Variants in HOMER1 observed in about 807,000 individuals in gnomAD.
The protein encoded by HOMER1 is homer protein homolog 1.
HOMER1 carries 3 observed loss-of-function variants against 48.9 expected under a neutral mutation model. That is an observed-to-expected ratio of 0.06 (90% CI 0.03 to 0.16). The LOEUF (loss-of-function observed/expected upper bound fraction) is 0.16. Among genes scored for constraint, HOMER1 ranks in the 10% least tolerant of loss-of-function variants. The pLI, the probability that HOMER1 is intolerant of heterozygous loss-of-function variation, is 1.00. For missense variants in HOMER1, 247 were observed against 411.4 expected, an observed-to-expected ratio of 0.60 and a Z score of 3.46; for synonymous variants, 134 against 146.4, an observed-to-expected ratio of 0.92 and a Z score of 0.61.
chr5:79,460,398 A>G (rs2112307830), intron 1 of HOMER1, among the ~76,000 whole-genome samples: 1 of 152,276 alleles, frequency 6.6e-6, no homozygotes, highest in East Asian at 1.9e-4. Context: ...ACTGCACTCC[A>G]ATTTGGGTGA....
At chr5:79,426,023 A>G (rs1464331862) in intron 5 of HOMER1, among the ~76,000 whole-genome samples, 2 of 151,994 alleles carry the variant, frequency 1.3e-5, no homozygotes, top group East Asian at 1.9e-4. Flanking sequence ...AATGTCATGG[A>G]AAACCTTAAT....
At chr5:79,465,055 G>T (rs1751418525) in intron 1 of HOMER1, among the ~76,000 whole-genome samples, 1 of 151,884 alleles carries the variant, frequency 6.6e-6, no homozygotes. Flanking sequence ...TGTATGATCT[G>T]GCCAGGCACA....
chr5:79,379,637 G>T (rs1388341711), intron 8 of HOMER1, among the ~76,000 whole-genome samples: 1 of 150,284 alleles, frequency 6.7e-6, no homozygotes, highest in Admixed American at 6.8e-5. Context: ...TACAGAAGGG[G>T]TCTCACTATG....
chr5:79,386,527 TAGA>T (rs895451900), intron 8 of HOMER1, among the ~76,000 whole-genome samples: 1 of 152,202 alleles, frequency 6.6e-6, no homozygotes, highest in Non-Finnish European at 1.5e-5. Context: ...TACAGTTAGA[TAGA>T]AGAAGTAAGT....
Position 79,376,194 on chromosome 5 carries a change from C to A in HOMER1, c.880G>T (p.Val294Leu). ...TCCAGGTCTTTGTTCCGAATTTCTA[C>A]TTCCTTCAGAAACAAAAGTGTAACA... is the stretch of plus-strand genomic sequence containing the variant. ...RDSLTQKLQE[V>L]EIRNKDLEGQ... Residue 294 changes from valine to leucine, a missense_variant, in exon 9 of 9, where the codon GTA (valine) becomes TTA (leucine). Physicochemically the swap from Val to Leu is conservative, Grantham distance 32 (BLOSUM62 1). This residue lies in a region of HOMER1 where 113 missense variants were observed against 152.5 expected (regional missense o/e 0.74). Transcript: ENST00000334082. The A allele has an allele frequency of 6.2e-7, 1 of 1,609,914 alleles. No individual in the cohort carries two copies. Among genetic ancestry groups the A allele is most frequent in the Non-Finnish European group, 8.5e-7 (1 of 1,178,128 alleles).
Position 79,374,475 on chromosome 5 carries a change from T to A in HOMER1, c.*1534A>T, listed in dbSNP as rs1748709200. ...AATTGTCTAGTATTGAGTAGCTGTT[T>A]ATGAGTGAAAAAATGGTTACAAATT... On this transcript the variant is annotated 3_prime_UTR_variant, in exon 9 of 9. Coordinates refer to ENST00000334082, the MANE Select transcript of HOMER1 (RefSeq NM_004272.5). The A allele has an allele frequency of 6.6e-6, 1 of 152,188 alleles. No homozygotes were observed. The highest frequency in any genetic ancestry group is 1.5e-5 in the Non-Finnish European group (1 of 67,882). 9.4% of individuals were successfully genotyped at this position (152,188 alleles called of 1,614,324 possible).
chr5:79,442,891 C>T (rs904519790), intron 4 of HOMER1, among the ~76,000 whole-genome samples: 5 of 152,192 alleles, frequency 3.3e-5, no homozygotes, highest in African/African-American at 1.2e-4. Context: ...TACATTTTTC[C>T]TATAGTTAGT....
At chr5:79,488,586 C>G (rs1449673878) in intron 1 of HOMER1, among the ~76,000 whole-genome samples, 1 of 152,172 alleles carries the variant, frequency 6.6e-6, no homozygotes, top group African/African-American at 2.4e-5. Flanking sequence ...ATCTGCTGAC[C>G]ATACCAAAAT....
chr5:79,428,209 A>G (rs1447205671), intron 5 of HOMER1, among the ~76,000 whole-genome samples: 2 of 152,220 alleles, frequency 1.3e-5, no homozygotes, highest in Admixed American at 6.5e-5. Context: ...TTCTGAGGGT[A>G]TAAGAGGAAA....
chr5:79,420,354 G>A (rs949365819), intron 5 of HOMER1, among the ~76,000 whole-genome samples: 1 of 151,986 alleles, frequency 6.6e-6, no homozygotes, highest in Admixed American at 6.6e-5. Context: ...TGCTTCAAAG[G>A]CCAAAGCAGA....
intron 1 of HOMER1, among the ~76,000 whole-genome samples, chr5:79,460,780 G>C (rs1489128486): frequency 2.6e-5 from 4 of 152,174 alleles, no homozygotes; most frequent in Non-Finnish European, 5.9e-5. Context: ...CAATGCACAA[G>C]ATAGCTTTCC....
chr5:79,398,986 A>C (rs1203562800), intron 6 of HOMER1, among the ~76,000 whole-genome samples: 1 of 152,150 alleles, frequency 6.6e-6, no homozygotes, highest in Non-Finnish European at 1.5e-5. Flanking sequence ...GGTTCACAAA[A>C]CCAAGCATCT....
intron 1 of HOMER1, among the ~76,000 whole-genome samples, chr5:79,479,458 G>A (rs1751884247): frequency 6.6e-6 from 1 of 152,172 alleles, no homozygotes; most frequent in Non-Finnish European, 1.5e-5. Flanking sequence ...TACAGAAGGT[G>A]ATATGATGAA....
chr5:79,379,355 T>C (rs1381718786), intron 8 of HOMER1, among the ~76,000 whole-genome samples: 2 of 113,310 alleles, frequency 1.8e-5, no homozygotes, highest in Non-Finnish European at 3.3e-5. Flanking sequence ...TTATATATTA[T>C]ATAAATATTT....
chr5:79,378,680 T>C (rs745624478), intron 8 of HOMER1, among the ~76,000 whole-genome samples: 2 of 152,084 alleles, frequency 1.3e-5, no homozygotes, highest in East Asian at 1.9e-4. Context: ...ACTATAAAAA[T>C]AGACCAAATG....
chr5:79,449,183 T>A (rs1750963715), intron 3 of HOMER1, among the ~76,000 whole-genome samples: 1 of 152,212 alleles, frequency 6.6e-6, no homozygotes, highest in Non-Finnish European at 1.5e-5. Context: ...TTAGTTCTTG[T>A]ATTGTCAAGT....
chr5:79,451,397 T>C (rs941106024), intron 2 of HOMER1, among the ~76,000 whole-genome samples: 4 of 152,144 alleles, frequency 2.6e-5, no homozygotes, highest in Admixed American at 6.5e-5. Flanking sequence ...GTTTTTAATA[T>C]GGTCAGTTTT....
chr5:79,437,527 A>C (rs1307044023), intron 5 of HOMER1, among the ~76,000 whole-genome samples: 3 of 152,230 alleles, frequency 2.0e-5, no homozygotes, highest in Admixed American at 2.0e-4. Flanking sequence ...TAAACAGAAA[A>C]TATCGTTATA....
intron 5 of HOMER1, among the ~76,000 whole-genome samples, chr5:79,436,132 C>CA (rs11399045): frequency 0.26 from 37,511 of 144,836 alleles, 5,804 homozygotes; most frequent in East Asian, 0.76. Context: ...GACTCCGTCT[C>CA]AAAAAAAATA....
Sources: gnomAD v4.1 joint callset for allele counts (sites outside exome capture counted in the v4.1 genomes callset) on GRCh38, gnomAD v4.1.1 for gene constraint, gnomAD v4.1.1 regional missense constraint, MANE v1.5 for transcripts, NCBI Gene and HGNC (gene_info 2026-07-23, HGNC 2026-07-21) for gene names.